CHD5: variants seen among roughly 807,000 people sequenced by gnomAD.
CHD5 encodes the protein ATP-dependent chromatin remodeler CHD5.
Under a neutral mutation model 230.3 loss-of-function variants are expected in CHD5, and 69 were observed. The observed-to-expected ratio is 0.30, with a 90% CI of 0.25 to 0.37. The LOEUF (loss-of-function observed/expected upper bound fraction) is 0.37, where lower values mean the gene tolerates loss of function less well. Among genes scored for constraint, CHD5 ranks in the 10% least tolerant of loss-of-function variants. CHD5 has a pLI of 1.00. For missense variants in CHD5, 1,827 were observed against 2,622.8 expected, an observed-to-expected ratio of 0.70 and a Z score of 6.63; for synonymous variants, 1,064 against 1,065.9, an observed-to-expected ratio of 1.00 and a Z score of 0.03.
chr1:6,144,552 G>A (rs768223003), intron 11 of CHD5, among the ~76,000 whole-genome samples: 4 of 152,206 alleles, frequency 2.6e-5, no homozygotes, highest in African/African-American at 4.8e-5. Flanking sequence ...CTTAAAATAC[G>A]CAAAGGACTT....
intron 1 of CHD5, among the ~76,000 whole-genome samples, chr1:6,177,842 C>T (rs558912180): frequency 2.7e-4 from 41 of 152,282 alleles, no homozygotes; most frequent in African/African-American, 9.6e-4. Context: ...AGGAGGCCAG[C>T]GTGGCTGCTG....
In CHD5 at chr1:6,135,256, G is replaced by A. The variant is rs1421525936; in HGVS notation, c.2844C>T (p.Val948=). ...KNMPAKTELI[V]RVELSQMQKK... ...TCTGCATCTGGCTCAGCTCCACCCGGACAATGAGCTCGGTCTTGGCCGGCA... is the reference window on the plus strand; with the variant it reads ...TCTGCATCTGGCTCAGCTCCACCCGAACAATGAGCTCGGTCTTGGCCGGCA... Residue 948 remains valine (V), a synonymous_variant, in exon 18 of 42, where the codon GTC becomes GTT. Transcript: ENST00000262450. The A allele has an allele frequency of 1.2e-6, 2 of 1,614,102 alleles. No homozygotes were observed. The highest frequency in any genetic ancestry group is 2.2e-5 in the South Asian group (2 of 91,086).
At chr1:6,119,677 A>G (rs1232604854) in intron 33 of CHD5, among the ~76,000 whole-genome samples, 2 of 151,782 alleles carry the variant, frequency 1.3e-5, no homozygotes, top group African/African-American at 4.8e-5. Flanking sequence ...ATTAGCATGC[A>G]TTATCTACTG....
At chr1:6,151,289 C>T (rs1399484927) in intron 6 of CHD5, 134 bp from the exon 7 acceptor site, 7 of 1,047,004 alleles carry the variant, frequency 6.7e-6, no homozygotes, top group Non-Finnish European at 6.4e-6. Flanking sequence ...ATCTCAGCCC[C>T]CAACACAGCT....
chr1:6,161,521 G>A (rs1424788128), intron 2 of CHD5, among the ~76,000 whole-genome samples: 1 of 152,220 alleles, frequency 6.6e-6, no homozygotes, highest in Non-Finnish European at 1.5e-5. Flanking sequence ...AGGCAGCAGG[G>A]CCTCTGTGCT....
intron 3 of CHD5, among the ~76,000 whole-genome samples, chr1:6,158,993 C>T (rs1394270035): frequency 5.0e-5 from 5 of 100,306 alleles, no homozygotes; most frequent in South Asian, 4.2e-4. Context: ...GGCGACAGAG[C>T]GAGACTCCGT....
rs1337564375 is a variant in CHD5, at chr1:6,154,031, G to A, written c.745+629C>T. Among the ~76,000 whole-genome samples, 2 of 152,006 alleles carry A rather than the reference G, an allele frequency of 1.3e-5. No homozygotes were observed. Among genetic ancestry groups the A allele is most frequent in the Admixed American group, 6.6e-5 (1 of 15,260 alleles). ...CCCACCCAGACGCCCTGCCACTGAG[G>A]CAGAATTTGGATCTCGATCTCCTTC... On this transcript the variant is annotated intron_variant, in intron 5 of 41. Transcript: ENST00000262450. The surrounding 1 kb of genome is among the most constrained non-coding windows in gnomAD (Gnocchi z 7.0).
intron 2 of CHD5, 27 bp from the exon 3 acceptor site, chr1:6,159,542 C>A: frequency 6.3e-7 from 1 of 1,578,524 alleles, no homozygotes; most frequent in Admixed American, 1.7e-5. Flanking sequence ...ACAGTGAGGG[C>A]AACAGAGGCC....
chr1:6,119,366 G>A (rs905571359), intron 33 of CHD5, among the ~76,000 whole-genome samples: 1 of 152,102 alleles, frequency 6.6e-6, no homozygotes, highest in Non-Finnish European at 1.5e-5. Context: ...CCAAAGTGCT[G>A]GGATTACTGG....
At chr1:6,119,786 T>C (rs368624708) in intron 33 of CHD5, among the ~76,000 whole-genome samples, 6 of 149,892 alleles carry the variant, frequency 4.0e-5, no homozygotes, top group South Asian at 2.1e-4. Context: ...TATGTGCGTA[T>C]ATACGTACGT....
chr1:6,110,584 G>A, intron 36 of CHD5, 58 bp from the exon 37 acceptor site: 1 of 1,582,006 alleles, frequency 6.3e-7, no homozygotes. Flanking sequence ...GGCCGTAGGG[G>A]GAGGCAGCTC....
At chr1:6,137,091 G>A (rs1412087672) in intron 15 of CHD5, among the ~76,000 whole-genome samples, 4 of 151,630 alleles carry the variant, frequency 2.6e-5, no homozygotes, top group Non-Finnish European at 5.9e-5. Flanking sequence ...TGGAGGAGGA[G>A]AAGAAACGGC....
At chr1:6,113,475 C>T (rs1001208400) in intron 33 of CHD5, 11 of 236,684 alleles carry the variant, frequency 4.6e-5, no homozygotes, top group Non-Finnish European at 3.5e-5. Context: ...AGGAAATCAC[C>T]GGGTGCCAGG....
At position 6,146,431 on chromosome 1, in the gene CHD5, T is replaced by C. The variant is rs759531760; in HGVS notation, c.1591-8A>G. 11 of 1,611,854 alleles carry C rather than the reference T, an allele frequency of 6.8e-6. No individual in the cohort carries two copies. The highest frequency in any genetic ancestry group is 5.0e-5 in the Admixed American group (3 of 59,890). ...CGTGTGGTACAGCTCCAGCTGCTCA[T>C]GGAGCGGCACAAAGTCACAGAAGGG... On this transcript the variant is annotated splice_region_variant and splice_polypyrimidine_tract_variant and intron_variant, in intron 10 of 41. Coordinates refer to ENST00000262450, the MANE Select transcript of CHD5 (RefSeq NM_015557.3). This position sits in a 1 kb window ranked among gnomAD's most constrained non-coding sequence, Gnocchi z 5.1.
At chr1:6,162,638 G>A (rs749087689) in intron 2 of CHD5, among the ~76,000 whole-genome samples, 4 of 152,162 alleles carry the variant, frequency 2.6e-5, no homozygotes, top group Non-Finnish European at 4.4e-5. Flanking sequence ...ACCAGAGGCC[G>A]CTGGGATTCT....
Position 6,133,488 on chromosome 1 carries a change from G to A in CHD5, c.3144+640C>T, listed in dbSNP as rs77460969. On this transcript the variant is annotated intron_variant, in intron 20 of 41. Coordinates refer to ENST00000262450, the MANE Select transcript of CHD5 (RefSeq NM_015557.3). ...TTGAGCAAGGGGCCTGGCTCAGTGGGCCCACGAGAGGAGCATTTTTAGCCC... is the reference window on the plus strand; with the variant it reads ...TTGAGCAAGGGGCCTGGCTCAGTGGACCCACGAGAGGAGCATTTTTAGCCC... 6.8e-4 allele frequency among the ~76,000 whole-genome samples: 103 copies of A among 152,348 alleles called. No individual in the cohort carries two copies. In the East Asian group the frequency reaches 0.014, roughly 20 times the overall value.
At chr1:6,107,789 AGAAT>A (rs1666216408) in intron 38 of CHD5, among the ~76,000 whole-genome samples, 1 of 77,610 alleles carries the variant, frequency 1.3e-5, no homozygotes, top group South Asian at 6.1e-4. Context: ...GGATGATGGA[AGAAT>A]GAAGGGATGA....
chr1:6,136,857 C>T lies in CHD5; in HGVS notation c.2445G>A (p.Val815=), dbSNP rs751179819. The change falls in exon 16 of 42, where the codon GTG becomes GTA. Residue 815 remains valine (V), a synonymous_variant. Transcript: ENST00000262450. The part of the protein sequence containing the change: ...GKKVFRMKKE[V]QIKFHVLLTS... ...TGAGCAGCACGTGGAATTTGATCTG[C>T]ACTTCTTTCTGGAGAAAAGAGGGGC... 1 of 1,607,398 alleles carries T rather than the reference C, an allele frequency of 6.2e-7. No individual in the cohort carries two copies. Among genetic ancestry groups the T allele is most frequent in the Non-Finnish European group, 8.5e-7 (1 of 1,175,862 alleles).
chr1:6,127,041 T>G (rs1156671888), intron 25 of CHD5: 1 of 431,518 alleles, frequency 2.3e-6, no homozygotes, highest in Admixed American at 4.0e-5. Flanking sequence ...TTGCCTGCCC[T>G]CAGGAGGCTC....
Sources: allele counts gnomAD v4.1 joint callset (sites outside exome capture counted in the v4.1 genomes callset), GRCh38; gene constraint gnomAD v4.1.1; non-coding constraint Gnocchi (gnomAD v3.1); transcripts MANE v1.5; gene names NCBI Gene and HGNC (gene_info 2026-07-23, HGNC 2026-07-21).